The following WDR72 variants were observed in gnomAD, a reference collection of about 807,000 sequenced individuals.
The protein encoded by WDR72 is WD repeat domain 72.
In WDR72, 120 loss-of-function variants were observed where a neutral mutation model predicts 124.2. That is an observed-to-expected ratio of 0.97 (90% CI 0.83 to 1.12). WDR72 has a LOEUF of 1.12. Among genes scored for constraint, WDR72 ranks in the 50% most tolerant of loss-of-function variants. WDR72 has a pLI of 0.00. For missense variants in WDR72, 1,387 were observed against 1,278.8 expected, an observed-to-expected ratio of 1.08 and a Z score of -1.29; for synonymous variants, 452 against 441.7, an observed-to-expected ratio of 1.02 and a Z score of -0.29.
chr15:53,583,956 T>A (rs940709017), intron 18 of WDR72, among the ~76,000 whole-genome samples: 2 of 138,792 alleles, frequency 1.4e-5, no homozygotes, highest in Admixed American at 1.6e-4. Context: ...TAAATCAAAT[T>A]TTTTTAAATG....
chr15:53,615,782 A>G lies in WDR72; in HGVS notation c.2424T>C (p.Asp808=). The part of the protein sequence containing the change: ...FLSCLLPWGV[D]KDLDYLCIKH... ...TAATGCAAAGATAATCTAAATCTTT[A>G]TCCACTCCCCATGGCAAAAGGCAAG... The change falls in exon 15 of 20, where the codon GAT becomes GAC. Residue 808 remains aspartate, a synonymous_variant. Transcript: ENST00000360509. 6.2e-7 allele frequency: 1 copy of G among 1,613,614 alleles called. No homozygotes were observed.
intron 18 of WDR72, among the ~76,000 whole-genome samples, chr15:53,525,367 A>G (rs1004315924): frequency 2.0e-5 from 3 of 152,100 alleles, no homozygotes; most frequent in Admixed American, 1.3e-4. Flanking sequence ...CTAAAAGCCA[A>G]TGAGGTGGCA....
chr15:53,695,749 A>G (rs17730608), intron 13 of WDR72, among the ~76,000 whole-genome samples: 4,128 of 152,294 alleles, frequency 0.027, 98 homozygotes, highest in East Asian at 0.07. Context: ...GCCACCTATC[A>G]CAGAAAGGAA....
At chr15:53,648,081 G>A (rs908535744) in intron 14 of WDR72, among the ~76,000 whole-genome samples, 4 of 152,056 alleles carry the variant, frequency 2.6e-5, no homozygotes, top group African/African-American at 7.2e-5. Context: ...CAGATGGCAC[G>A]TCTGTTTGAA....
chr15:53,632,715 C>T (rs369844332), intron 14 of WDR72, among the ~76,000 whole-genome samples: 27 of 152,326 alleles, frequency 1.8e-4, no homozygotes, highest in Non-Finnish European at 2.6e-4. Flanking sequence ...CCCCTTGCAC[C>T]GGTGTGCCCT....
chr15:53,607,481 T>G (rs2013337415), intron 17 of WDR72, among the ~76,000 whole-genome samples: 1 of 152,120 alleles, frequency 6.6e-6, no homozygotes, highest in Non-Finnish European at 1.5e-5. Flanking sequence ...AGAATGAAAC[T>G]AGACCCCTAT....
intron 17 of WDR72, among the ~76,000 whole-genome samples, chr15:53,597,566 A>G (rs2012838482): frequency 6.6e-6 from 1 of 152,104 alleles, no homozygotes; most frequent in Non-Finnish European, 1.5e-5. Flanking sequence ...GGAGTTTTTA[A>G]TTATTTTTCC....
intron 18 of WDR72, among the ~76,000 whole-genome samples, chr15:53,523,944 G>T (rs1350250468): frequency 2.0e-5 from 3 of 152,052 alleles, no homozygotes; most frequent in Non-Finnish European, 4.4e-5. Context: ...GTAGAATTAT[G>T]ACCAGAAATG....
At chr15:53,678,114 C>T (rs1382170681) in intron 13 of WDR72, among the ~76,000 whole-genome samples, 1 of 152,110 alleles carries the variant, frequency 6.6e-6, no homozygotes, top group Non-Finnish European at 1.5e-5. Context: ...GTTGGCAATA[C>T]AGAGAAGAGA....
chr15:53,746,604 CTCTTAAGT>C (rs1247370298), intron 1 of WDR72, among the ~76,000 whole-genome samples: 1 of 152,186 alleles, frequency 6.6e-6, no homozygotes, highest in Non-Finnish European at 1.5e-5. Flanking sequence ...TGAATCCCAT[CTCTTAAGT>C]GGAGAAGAAT....
At chr15:53,583,260 A>G (rs1288184902) in intron 18 of WDR72, among the ~76,000 whole-genome samples, 1 of 152,038 alleles carries the variant, frequency 6.6e-6, no homozygotes, top group African/African-American at 2.4e-5. Context: ...CAAAAAAGAT[A>G]TGCTAAAATT....
chr15:53,540,539 G>A (rs1893035356), intron 18 of WDR72, among the ~76,000 whole-genome samples: 1 of 106,874 alleles, frequency 9.4e-6, no homozygotes, highest in South Asian at 3.1e-4. Context: ...TAATAATGAA[G>A]ACATAACAAT....
intron 6 of WDR72, 69 bp from the exon 7 acceptor site, chr15:53,712,960 C>T: frequency 6.4e-7 from 1 of 1,553,106 alleles, no homozygotes; most frequent in Non-Finnish European, 8.9e-7. Flanking sequence ...AGAAGACCTG[C>T]TTCCCGTACA....
chr15:53,730,555 G>A (rs2018170568), intron 2 of WDR72, among the ~76,000 whole-genome samples: 1 of 152,082 alleles, frequency 6.6e-6, no homozygotes, highest in African/African-American at 2.4e-5. Context: ...CATACTTTTG[G>A]AGGGGGAAAG....
intron 3 of WDR72, among the ~76,000 whole-genome samples, chr15:53,717,812 A>G (rs2017755826): frequency 6.6e-6 from 1 of 152,208 alleles, no homozygotes; most frequent in Non-Finnish European, 1.5e-5. Context: ...AAATATTCAT[A>G]GCATTTTCCC....
At chr15:53,710,485 A>C (rs889167956) in intron 9 of WDR72, among the ~76,000 whole-genome samples, 14 of 152,208 alleles carry the variant, frequency 9.2e-5, no homozygotes, top group Non-Finnish European at 1.3e-4. Context: ...AAACTTTTCC[A>C]ATTATTTGAA....
At position 53,705,096 on chromosome 15, in the gene WDR72, G is replaced by C; in HGVS notation, c.1240C>G (p.Pro414Ala). The C allele has an allele frequency of 6.2e-7, 1 of 1,614,118 alleles. No homozygotes were observed. Among genetic ancestry groups the C allele is most frequent in the Non-Finnish European group, 8.5e-7 (1 of 1,180,022 alleles). Residue 414 changes from proline to alanine, a missense_variant, in exon 11 of 20, where the codon CCA (proline) becomes GCA (alanine). By Grantham distance (27) the Pro-to-Ala change is conservative. Coordinates refer to ENST00000360509, the MANE Select transcript of WDR72 (RefSeq NM_182758.4). ...TAVVTSSEYI[P>A]SLDKLICGCE... ...CCACATATTAGTTTATCAAGACTTGGAATATACTCTGATGAAGTGACTACA... is the reference window on the plus strand; with the variant it reads ...CCACATATTAGTTTATCAAGACTTGCAATATACTCTGATGAAGTGACTACA...
chr15:53,671,343 C>G, intron 13 of WDR72, among the ~76,000 whole-genome samples: 1 of 152,210 alleles, frequency 6.6e-6, no homozygotes, highest in East Asian at 1.9e-4. Flanking sequence ...TCAGAGAAGC[C>G]TTCTAAAATA....
In WDR72 at chr15:53,716,592, A is replaced by T. The variant is rs747075905; in HGVS notation, c.339+15T>A. ...CAGAATCTAGAAATGCCCTGAAGGA[A>T]GTGAGTGTACTTACACAGATTGCAG... On this transcript the variant is annotated intron_variant, in intron 4 of 19. Transcript: ENST00000360509. 1 of 1,547,984 alleles carries T rather than the reference A, an allele frequency of 6.5e-7. No individual in the cohort carries two copies. The highest frequency in any genetic ancestry group is 8.9e-7 in the Non-Finnish European group (1 of 1,119,456).
Sources: allele counts gnomAD v4.1 joint callset (sites outside exome capture counted in the v4.1 genomes callset), GRCh38; gene constraint gnomAD v4.1.1; transcripts MANE v1.5; gene names NCBI Gene and HGNC (gene_info 2026-07-23, HGNC 2026-07-21).